RBFOX2: variants seen among roughly 807,000 people sequenced by gnomAD.
RBFOX2 encodes RNA binding protein fox-1 homolog 2.
Under a neutral mutation model 49.1 loss-of-function variants are expected in RBFOX2, and 10 were observed. The ratio of observed to expected loss-of-function variants is 0.20; its 90% CI spans 0.13 to 0.35. RBFOX2 has a LOEUF of 0.35. Ranked by LOEUF, RBFOX2 falls within the 10% of genes least tolerant of loss-of-function variation. The pLI is 1.00. For synonymous variants in RBFOX2, 183 were observed against 187.4 expected (o/e 0.98, Z 0.19); for missense variants, 323 against 486.9 (o/e 0.66, Z 3.17).
intron 1 of RBFOX2, among the ~76,000 whole-genome samples, chr22:35,912,237 T>C (rs916408918): frequency 3.9e-5 from 6 of 152,162 alleles, no homozygotes; most frequent in Admixed American, 2.0e-4. Context: ...CAACATAAAG[T>C]GTGGCAGAGC....
upstream of RBFOX2, chr22:35,939,015 T>TTTAGG: frequency 1.0e-6 from 1 of 972,724 alleles, no homozygotes. Flanking sequence ...AATGTTCCAT[T>TTTAGG]AACTGTATTC....
intron 9 of RBFOX2, among the ~76,000 whole-genome samples, chr22:35,752,121 C>T (rs1395762933): frequency 6.6e-6 from 1 of 152,172 alleles, no homozygotes; most frequent in East Asian, 1.9e-4. Flanking sequence ...ATTTTTAAGG[C>T]AACTTCAAAC....
upstream of RBFOX2, among the ~76,000 whole-genome samples, chr22:35,844,694 A>C (rs1349971142): frequency 2.1e-5 from 3 of 143,626 alleles, no homozygotes; most frequent in Admixed American, 2.1e-4. Flanking sequence ...TTTAGTAGAG[A>C]TATGTTTCAC....
intron 1 of RBFOX2, among the ~76,000 whole-genome samples, chr22:35,891,527 TTTA>T (rs1414433569): frequency 2.6e-5 from 4 of 152,210 alleles, no homozygotes; most frequent in Non-Finnish European, 5.9e-5. Context: ...GCTGAACTGA[TTTA>T]TTAAGAAGAC....
intron 2 of RBFOX2, among the ~76,000 whole-genome samples, chr22:35,795,137 G>C (rs901231081): frequency 2.6e-5 from 4 of 152,210 alleles, no homozygotes; most frequent in African/African-American, 9.6e-5. Flanking sequence ...ACTACTCATA[G>C]ACATCAAAAT....
chr22:36,025,022 G>T (rs1410236492), intron 1 of RBFOX2, among the ~76,000 whole-genome samples: 1 of 151,968 alleles, frequency 6.6e-6, no homozygotes, highest in Non-Finnish European at 1.5e-5. Context: ...TGGCCAGGCT[G>T]GTCTCGAACT....
intron 2 of RBFOX2, among the ~76,000 whole-genome samples, chr22:35,800,710 T>TC (rs1213561898): frequency 6.7e-6 from 1 of 148,604 alleles, no homozygotes; most frequent in African/African-American, 2.5e-5. Context: ...TTTTTTTTTT[T>TC]CCCCCAAGAA....
At chr22:35,863,828 G>C (rs533481669) in intron 1 of RBFOX2, among the ~76,000 whole-genome samples, 2 of 152,314 alleles carry the variant, frequency 1.3e-5, no homozygotes, top group African/African-American at 2.4e-5. Flanking sequence ...CTGCTTCACT[G>C]AATGTTTCTG....
chr22:35,815,135 G>GTGCCT (rs1250135328), intron 1 of RBFOX2, among the ~76,000 whole-genome samples: 1 of 152,168 alleles, frequency 6.6e-6, no homozygotes, highest in Non-Finnish European at 1.5e-5. Context: ...GTCCAACCAT[G>GTGCCT]TGCCTTCTCC....
At chr22:35,911,930 T>C (rs971494548) in intron 1 of RBFOX2, among the ~76,000 whole-genome samples, 6 of 152,218 alleles carry the variant, frequency 3.9e-5, no homozygotes, top group Non-Finnish European at 7.3e-5. Flanking sequence ...CAACATTTGC[T>C]GGTCTTGGTT....
At chr22:35,943,783 T>C (rs6000041), upstream of RBFOX2, among the ~76,000 whole-genome samples, 4,361 of 152,226 alleles carry the variant, frequency 0.029, 202 homozygotes, top group African/African-American at 0.1. Context: ...TGGACACCTG[T>C]AGTCCCAGCT....
At chr22:35,938,428 C>A (rs188844736) in intron 1 of RBFOX2, among the ~76,000 whole-genome samples, 1 of 152,214 alleles carries the variant, frequency 6.6e-6, no homozygotes, top group Admixed American at 6.5e-5. Context: ...AGGCTGAATT[C>A]CCCCAGGGAG....
chr22:35,799,851 G>A (rs144322746), intron 2 of RBFOX2, among the ~76,000 whole-genome samples: 81 of 152,084 alleles, frequency 5.3e-4, no homozygotes, highest in African/African-American at 1.9e-3. Flanking sequence ...TACTCGTGGC[G>A]GCTGAGGCAG....
chr22:35,996,873 G>A (rs1351402744), intron 1 of RBFOX2: 1 of 152,172 alleles, frequency 6.6e-6, no homozygotes, highest in Non-Finnish European at 1.5e-5. Context: ...GCCTTAGGAT[G>A]TCTAATCCCC....
At chr22:35,750,065 CTTGAG>C (rs1305527593) in intron 9 of RBFOX2, among the ~76,000 whole-genome samples, 2 of 152,262 alleles carry the variant, frequency 1.3e-5, no homozygotes, top group Admixed American at 6.5e-5. Context: ...TCAGTCACCA[CTTGAG>C]TTAACATTCC....
exon 12 of RBFOX2, chr22:35,740,131 G>C (rs1715519745): frequency 6.6e-6 from 1 of 152,412 alleles, no homozygotes; most frequent in African/African-American, 2.4e-5. Flanking sequence ...TGCAAAGAAA[G>C]GTGCCAGGGA....
chr22:35,743,728 A>G (rs1317599958), exon 12 of RBFOX2: 1 of 152,958 alleles, frequency 6.5e-6, no homozygotes, highest in Non-Finnish European at 1.5e-5. Flanking sequence ...GAAGACTAGA[A>G]GAATATCCTG....
chr22:35,818,353 C>T (rs1039366974), intron 1 of RBFOX2, among the ~76,000 whole-genome samples: 1 of 152,214 alleles, frequency 6.6e-6, no homozygotes, highest in African/African-American at 2.4e-5. Context: ...TGTAAATATT[C>T]TATTCCAATG....
At chr22:35,776,754 A>G (rs559543230) in intron 4 of RBFOX2, among the ~76,000 whole-genome samples, 1 of 152,356 alleles carries the variant, frequency 6.6e-6, no homozygotes, top group South Asian at 2.1e-4. Flanking sequence ...AACAAATGAA[A>G]GTAGCAACAG....
Sources: gnomAD v4.1 joint callset for allele counts (sites outside exome capture counted in the v4.1 genomes callset) on GRCh38, gnomAD v4.1.1 for gene constraint, MANE v1.5 for transcripts, NCBI Gene and HGNC (gene_info 2026-07-23, HGNC 2026-07-21) for gene names.